The following MESD variants were observed in gnomAD, a reference collection of about 807,000 sequenced individuals.
MESD encodes mesoderm development LRP chaperone.
Under a neutral mutation model 12.9 loss-of-function variants are expected in MESD, and 7 were observed. The ratio of observed to expected loss-of-function variants is 0.54; its 90% CI spans 0.31 to 1.02. The LOEUF (loss-of-function observed/expected upper bound fraction) is 1.02. Ranked by LOEUF, MESD falls within the 50% of genes least tolerant of loss-of-function variation. MESD has a pLI of 0.05. For missense variants in MESD, 342 were observed against 296.7 expected, an observed-to-expected ratio of 1.15 and a Z score of -1.12; for synonymous variants, 126 against 115.6, an observed-to-expected ratio of 1.09 and a Z score of -0.58.
intron 1 of MESD, 63 bp from the exon 2 acceptor site, chr15:80,982,245 G>A: frequency 7.4e-7 from 1 of 1,359,424 alleles, no homozygotes; most frequent in Non-Finnish European, 1.0e-6. Flanking sequence ...ACTGGCACAG[G>A]CAAAAACTTC....
intron 3 of MESD, among the ~76,000 whole-genome samples, chr15:80,955,638 T>TGA (rs887789913): frequency 2.7e-5 from 4 of 150,264 alleles, no homozygotes; most frequent in Admixed American, 6.6e-5. Flanking sequence ...TGTGTGTGTG[T>TGA]GAGAGAGACA....
chr15:80,984,789 A>G (rs978266073), intron 1 of MESD, among the ~76,000 whole-genome samples: 2 of 152,262 alleles, frequency 1.3e-5, no homozygotes, highest in African/African-American at 4.8e-5. Context: ...AAAAAACAAA[A>G]AAAAGCCCCT....
At chr15:80,950,236 G>A (rs772647599) in intron 4 of MESD, 1 of 152,282 alleles carries the variant, frequency 6.6e-6, no homozygotes, top group Non-Finnish European at 1.5e-5. Flanking sequence ...TAACAGATGG[G>A]GAAAGTGAGC....
downstream of MESD, among the ~76,000 whole-genome samples, chr15:80,975,058 A>T (rs973430405): frequency 2.6e-5 from 4 of 151,936 alleles, no homozygotes; most frequent in Admixed American, 2.6e-4. Flanking sequence ...GGGTGGCCTC[A>T]CACCTCTCCA....
chr15:80,963,024 C>CA (rs1240471397), intron 3 of MESD, among the ~76,000 whole-genome samples: 2 of 151,926 alleles, frequency 1.3e-5, no homozygotes, highest in Non-Finnish European at 2.9e-5. Context: ...AAAAACCCTT[C>CA]AAAAAAATCA....
rs1596229733 is a variant in MESD, at chr15:80,969,303, C to A, written c.*288+9628G>T. On this transcript the variant is annotated intron_variant, in intron 3 of 4. Coordinates refer to the MESD transcript ENST00000561312. Reference sequence around the variant, plus strand: ...TTGCACACAGTAGGCACACTCCATGCTGAAAGACATTGTGTGTCTTTTAAT... The same window carrying A: ...TTGCACACAGTAGGCACACTCCATGATGAAAGACATTGTGTGTCTTTTAAT... Among the ~76,000 whole-genome samples, 3 of 152,276 alleles carry A rather than the reference C, an allele frequency of 2.0e-5. No individual in the cohort carries two copies. In the South Asian group the frequency reaches 6.2e-4, roughly 32 times the overall value.
downstream of MESD, among the ~76,000 whole-genome samples, chr15:80,974,750 G>GA (rs200023577): frequency 2.2e-3 from 247 of 111,484 alleles, 1 homozygote; most frequent in East Asian, 2.6e-3. Context: ...AAAAGATTCA[G>GA]AAAAAAAAAA....
chr15:80,955,503 A>G (rs982441304), intron 3 of MESD, among the ~76,000 whole-genome samples: 19 of 150,020 alleles, frequency 1.3e-4, no homozygotes, highest in Middle Eastern at 3.4e-3. Context: ...AAAAAAAAAA[A>G]AAGAAATGCC....
chr15:80,972,082 G>T (rs944195505), downstream of MESD, among the ~76,000 whole-genome samples: 3 of 152,112 alleles, frequency 2.0e-5, no homozygotes, highest in African/African-American at 7.2e-5. Flanking sequence ...CACAGATACA[G>T]GCCCGGTGCT....
At position 80,976,828 on chromosome 15, in the gene MESD, G is replaced by T. The variant is rs1480524219; in HGVS notation, c.*2391C>A. 6.6e-6 allele frequency: 1 copy of T among 152,144 alleles called. No individual in the cohort carries two copies. Among genetic ancestry groups the T allele is most frequent in the African/African-American group, 2.4e-5 (1 of 41,414 alleles). The allele number at this position is 152,144 out of a possible 1,614,324, so 9.4% of individuals were successfully genotyped here. On this transcript the variant is annotated 3_prime_UTR_variant, in exon 3 of 3. Transcript: ENST00000261758. ...TGAACACTCAAGTGTCCATCAGCAG[G>T]GACTATGCAGTGAAACAGTGGTTCA...
At chr15:80,953,016 G>C in intron 3 of MESD, 1 of 456,126 alleles carries the variant, frequency 2.2e-6, no homozygotes, top group Non-Finnish European at 4.4e-6. Flanking sequence ...GTCAGTGAGT[G>C]GAAGTAGGAC....
chr15:80,984,678 C>T lies in MESD; in HGVS notation c.214-2496G>A, dbSNP rs529935310. On this transcript the variant is annotated intron_variant, in intron 1 of 2. Coordinates refer to ENST00000261758, the MANE Select transcript of MESD (RefSeq NM_015154.3). ...GTTCTAAAATTGAGTTTGGTGATGA[C>T]TGTACAATTCTCTGAAGATACTAAA... is the stretch of plus-strand genomic sequence containing the variant. Among the ~76,000 whole-genome samples, 49 of 152,190 alleles carry T rather than the reference C, an allele frequency of 3.2e-4. No homozygotes were observed. The South Asian group carries it at 7.0e-3, about 22-fold the overall frequency.
chr15:80,964,658 A>C (rs934243341), intron 3 of MESD, among the ~76,000 whole-genome samples: 1 of 152,198 alleles, frequency 6.6e-6, no homozygotes, highest in Non-Finnish European at 1.5e-5. Flanking sequence ...GAGAAATAAC[A>C]CCACACATCT....
At chr15:80,953,374 G>A (rs1458044518) in intron 3 of MESD, among the ~76,000 whole-genome samples, 2 of 152,194 alleles carry the variant, frequency 1.3e-5, no homozygotes, top group Non-Finnish European at 2.9e-5. Flanking sequence ...ATGGGACACT[G>A]CACCCAGCTA....
chr15:80,983,072 T>C (rs1046089122), intron 1 of MESD, among the ~76,000 whole-genome samples: 5 of 151,830 alleles, frequency 3.3e-5, no homozygotes, highest in African/African-American at 4.8e-5. Context: ...TGAGATCCCA[T>C]CTCTTAAAAA....
At position 80,960,391 on chromosome 15, in the gene MESD, A is replaced by G. The variant is rs548489410; in HGVS notation, c.*289-8095T>C. Among the ~76,000 whole-genome samples, 10 of 124,874 alleles carry G rather than the reference A, an allele frequency of 8.0e-5. 1 individual carries two copies. In the East Asian group the frequency reaches 9.9e-4, roughly 12 times the overall value. 81.9% of individuals were successfully genotyped at this position (124,874 alleles called of 152,430 possible). A position where few individuals can be genotyped will look rare whatever the true frequency, so the allele number is the denominator to read the frequency against. ...AAAAAAAAAAAAAAAAAGCACGGAG[A>G]AAAAAAAAAACTCTTTCCCAGTTTG... On this transcript the variant is annotated intron_variant, in intron 3 of 4. Transcript: ENST00000561312.
downstream of MESD, among the ~76,000 whole-genome samples, chr15:80,975,596 T>C (rs1902389582): frequency 6.6e-6 from 1 of 151,912 alleles, no homozygotes; most frequent in Admixed American, 6.6e-5. Context: ...GTTCAGTGGT[T>C]AATGCATACT....
chr15:80,968,410 T>G (rs1298426329), intron 3 of MESD, among the ~76,000 whole-genome samples: 1 of 152,240 alleles, frequency 6.6e-6, no homozygotes, highest in Non-Finnish European at 1.5e-5. Context: ...GATGTTATCC[T>G]GCCTTCTCCT....
At position 80,989,574 on chromosome 15, in the gene MESD, C is replaced by T. The variant is rs751190568; in HGVS notation, c.213+5G>A. On this transcript the variant is annotated splice_donor_5th_base_variant and intron_variant, in intron 1 of 2. Transcript: ENST00000261758. ...GAGCCGGGAGGGTGTGCGCGCGCCG[C>T]GGACCTCCCATTGCTCCAGAAGACG... is the stretch of plus-strand genomic sequence containing the variant. 1.1e-5 allele frequency: 18 copies of T among 1,612,044 alleles called. No individual in the cohort carries two copies. Among genetic ancestry groups the T allele is most frequent in the Non-Finnish European group, 1.5e-5 (18 of 1,178,844 alleles).
Sources: gnomAD v4.1 joint callset for allele counts (sites outside exome capture counted in the v4.1 genomes callset) on GRCh38, gnomAD v4.1.1 for gene constraint, MANE v1.5 for transcripts, NCBI Gene and HGNC (gene_info 2026-07-23, HGNC 2026-07-21) for gene names.